The following PSMD14 variants were observed in gnomAD, a reference collection of about 807,000 sequenced individuals.
PSMD14 encodes ubiquitin C-terminal hydrolase PSMD14.
In PSMD14, 7 loss-of-function variants were observed where a neutral mutation model predicts 41.2. The ratio of observed to expected loss-of-function variants is 0.17; its 90% CI spans 0.10 to 0.32. PSMD14 has a LOEUF of 0.32. PSMD14 is among the 10% of genes least tolerant of loss of function. The pLI, the probability that PSMD14 is intolerant of heterozygous loss-of-function variation, is 1.00. For synonymous variants in PSMD14, 114 were observed against 122.3 expected, an observed-to-expected ratio of 0.93 and a Z score of 0.45; for missense variants, 139 against 375.6, an observed-to-expected ratio of 0.37 and a Z score of 5.21.
intron 9 of PSMD14, among the ~76,000 whole-genome samples, chr2:161,394,056 C>T (rs1157058940): frequency 2.7e-5 from 4 of 149,638 alleles, no homozygotes; most frequent in Admixed American, 1.3e-4. Context: ...CTGCAACCTC[C>T]GTCTCCCGGG....
At chr2:161,323,493 T>C (rs1453520059) in intron 3 of PSMD14, among the ~76,000 whole-genome samples, 2 of 152,092 alleles carry the variant, frequency 1.3e-5, no homozygotes, top group South Asian at 2.1e-4. Context: ...GGAAACCCCA[T>C]CTCTACTAAA....
chr2:161,315,141 G>A (rs1401287475), intron 1 of PSMD14, among the ~76,000 whole-genome samples: 2 of 152,162 alleles, frequency 1.3e-5, no homozygotes, highest in Non-Finnish European at 2.9e-5. Flanking sequence ...TTTATCCCCC[G>A]GGGACGTTTG....
At chr2:161,354,385 A>G (rs1683163176) in intron 3 of PSMD14, among the ~76,000 whole-genome samples, 1 of 152,146 alleles carries the variant, frequency 6.6e-6, no homozygotes, top group African/African-American at 2.4e-5. Context: ...GGCTGAGACT[A>G]CAGATTTGAG....
At chr2:161,367,669 A>G (rs1453654172) in intron 4 of PSMD14, 115 bp from the exon 5 acceptor site, 14 of 1,362,962 alleles carry the variant, frequency 1.0e-5, no homozygotes, top group South Asian at 1.4e-5. Context: ...TTTTAGGTAC[A>G]TTTATAAAAG....
intron 9 of PSMD14, among the ~76,000 whole-genome samples, chr2:161,393,463 G>A (rs922778011): frequency 1.3e-5 from 2 of 152,158 alleles, no homozygotes; most frequent in African/African-American, 2.4e-5. Flanking sequence ...CAAAGGAAGG[G>A]AATGGAGGAG....
intron 1 of PSMD14, 154 bp downstream of exon 1, chr2:161,308,758 C>T (rs1313151363): frequency 6.6e-6 from 1 of 152,400 alleles, no homozygotes; most frequent in Non-Finnish European, 1.5e-5. Flanking sequence ...TTCTCTTCGC[C>T]TGCTCTCAGG....
At chr2:161,371,614 A>G (rs570892494) in intron 7 of PSMD14, among the ~76,000 whole-genome samples, 1 of 152,290 alleles carries the variant, frequency 6.6e-6, no homozygotes, top group African/African-American at 2.4e-5. Flanking sequence ...AAAGCCTGCT[A>G]TAAACATTTT....
chr2:161,362,552 A>G (rs1683304770), intron 3 of PSMD14, among the ~76,000 whole-genome samples: 1 of 152,184 alleles, frequency 6.6e-6, no homozygotes, highest in Non-Finnish European at 1.5e-5. Context: ...AATATATGGA[A>G]TCCTATTTTC....
intron 8 of PSMD14, among the ~76,000 whole-genome samples, chr2:161,388,294 A>G (rs563648015): frequency 5.3e-5 from 8 of 152,094 alleles, no homozygotes; most frequent in Non-Finnish European, 1.2e-4. Context: ...TATAAGTTAT[A>G]AAACAATTGC....
intron 8 of PSMD14, among the ~76,000 whole-genome samples, chr2:161,389,703 C>A (rs1400023789): frequency 6.6e-6 from 1 of 151,510 alleles, no homozygotes; most frequent in East Asian, 1.9e-4. Flanking sequence ...TGCTTTGTTT[C>A]ATCCTGATCC....
chr2:161,406,656 A>G (rs537229456), intron 10 of PSMD14, among the ~76,000 whole-genome samples: 4 of 152,278 alleles, frequency 2.6e-5, no homozygotes, highest in South Asian at 2.1e-4. Context: ...AATTGAAGAG[A>G]TATGCTTACT....
intron 1 of PSMD14, among the ~76,000 whole-genome samples, chr2:161,309,768 A>T (rs1574109790): frequency 6.6e-6 from 1 of 152,170 alleles, no homozygotes; most frequent in Non-Finnish European, 1.5e-5. Context: ...TTTTCAAGTG[A>T]TGATCTTTTA....
At chr2:161,368,076 C>T (rs561275147) in intron 5 of PSMD14, among the ~76,000 whole-genome samples, 173 bp downstream of exon 5, 64 of 151,990 alleles carry the variant, frequency 4.2e-4, no homozygotes, top group African/African-American at 1.4e-3. Flanking sequence ...ATCTTTAAAA[C>T]GCAGCATAAC....
chr2:161,365,914 T>C (rs1683351622), intron 3 of PSMD14, among the ~76,000 whole-genome samples: 1 of 152,196 alleles, frequency 6.6e-6, no homozygotes, highest in Non-Finnish European at 1.5e-5. Flanking sequence ...TGAAACCTTA[T>C]TATTATCCTA....
At chr2:161,374,150 AGTAACT>A (rs1290863789) in intron 7 of PSMD14, among the ~76,000 whole-genome samples, 1 of 151,916 alleles carries the variant, frequency 6.6e-6, no homozygotes, top group Non-Finnish European at 1.5e-5. Context: ...ATGTAATCAG[AGTAACT>A]GCAGAATGCA....
At chr2:161,378,220 A>T (rs1405612045) in intron 7 of PSMD14, among the ~76,000 whole-genome samples, 1 of 151,944 alleles carries the variant, frequency 6.6e-6, no homozygotes, top group Admixed American at 6.6e-5. Context: ...TGATTAATAG[A>T]TGTTTACAGC....
chr2:161,384,757 G>A (rs1366828314), intron 7 of PSMD14: 1 of 151,752 alleles, frequency 6.6e-6, no homozygotes, highest in East Asian at 1.9e-4. Flanking sequence ...AGAATTTGAA[G>A]TATTTCTGTA....
intron 3 of PSMD14, among the ~76,000 whole-genome samples, chr2:161,355,362 G>T (rs1208695901): frequency 6.6e-6 from 1 of 151,916 alleles, no homozygotes; most frequent in Non-Finnish European, 1.5e-5. Flanking sequence ...GTACTTTCAG[G>T]ATTACTCAGA....
chr2:161,312,569 A>G (rs920158302), intron 1 of PSMD14, among the ~76,000 whole-genome samples: 1 of 152,214 alleles, frequency 6.6e-6, no homozygotes. Context: ...CCTTTTTTGT[A>G]CTATTTTTAC....
Sources: gnomAD v4.1 joint callset for allele counts (sites outside exome capture counted in the v4.1 genomes callset) on GRCh38, gnomAD v4.1.1 for gene constraint, MANE v1.5 for transcripts, NCBI Gene and HGNC (gene_info 2026-07-23, HGNC 2026-07-21) for gene names.